The following DLGAP1 variants were observed in gnomAD, a reference collection of about 807,000 sequenced individuals.
DLGAP1 encodes the protein DLG associated protein 1.
Under a neutral mutation model 90.8 loss-of-function variants are expected in DLGAP1, and 11 were observed. The observed-to-expected ratio is 0.12, with a 90% confidence interval of 0.08 to 0.20. DLGAP1 has a LOEUF of 0.20. Among genes scored for constraint, DLGAP1 ranks in the 10% least tolerant of loss-of-function variants. The pLI is 1.00. For missense variants in DLGAP1, 1,050 were observed against 1,333.8 expected, an observed-to-expected ratio of 0.79 and a Z score of 3.31; for synonymous variants, 558 against 540.7, an observed-to-expected ratio of 1.03 and a Z score of -0.44.
chr18:3,580,311 G>C (rs1490420830), intron 8 of DLGAP1: 18 of 1,613,946 alleles, frequency 1.1e-5, no homozygotes, highest in Non-Finnish European at 1.4e-5. Flanking sequence ...TCCACCAAAA[G>C]GCACAAGTCC....
chr18:3,768,840 A>T (rs2064380311), intron 5 of DLGAP1, among the ~76,000 whole-genome samples: 1 of 152,214 alleles, frequency 6.6e-6, no homozygotes, highest in Non-Finnish European at 1.5e-5. Flanking sequence ...ACATTGAAGA[A>T]AAGCTTTGGG....
At chr18:4,379,942 C>A (rs13381904) in intron 1 of DLGAP1, among the ~76,000 whole-genome samples, 2,831 of 152,230 alleles carry the variant, frequency 0.019, 56 homozygotes, top group African/African-American at 0.048. Context: ...AACCAATATA[C>A]ATTACTTAGA....
chr18:4,243,386 G>A (rs2078586939), intron 1 of DLGAP1, among the ~76,000 whole-genome samples: 1 of 123,514 alleles, frequency 8.1e-6, no homozygotes, highest in South Asian at 2.7e-4. Context: ...CACAGTCTGA[G>A]GACAGCCTTG....
intron 5 of DLGAP1, among the ~76,000 whole-genome samples, chr18:3,792,850 C>T (rs890142162): frequency 1.2e-4 from 18 of 152,302 alleles, no homozygotes; most frequent in African/African-American, 4.3e-4. Flanking sequence ...GGCCCTGCTT[C>T]CTGGACAGAG....
intron 7 of DLGAP1, among the ~76,000 whole-genome samples, chr18:3,586,700 T>C (rs1282178275): frequency 1.3e-5 from 2 of 152,218 alleles, no homozygotes; most frequent in Non-Finnish European, 2.9e-5. Flanking sequence ...TTCTTCATTT[T>C]CCAATTCTTC....
chr18:3,615,291 G>T (rs1423028306), intron 7 of DLGAP1, among the ~76,000 whole-genome samples: 1 of 152,190 alleles, frequency 6.6e-6, no homozygotes, highest in African/African-American at 2.4e-5. Flanking sequence ...TAAATGAGTA[G>T]AAAAGCTGGG....
intron 7 of DLGAP1, among the ~76,000 whole-genome samples, chr18:3,614,230 T>C (rs563006617): frequency 6.6e-6 from 1 of 152,334 alleles, no homozygotes; most frequent in South Asian, 2.1e-4. Flanking sequence ...TTGTCACTTT[T>C]TTCTGGCTCC....
intron 4 of DLGAP1, among the ~76,000 whole-genome samples, chr18:3,871,777 T>G (rs1381815669): frequency 6.6e-6 from 1 of 152,194 alleles, no homozygotes; most frequent in Non-Finnish European, 1.5e-5. Flanking sequence ...TGGATCTGAG[T>G]TCATGAATCA....
intron 2 of DLGAP1, among the ~76,000 whole-genome samples, chr18:4,136,054 C>G (rs1013266240): frequency 1.3e-5 from 2 of 151,310 alleles, no homozygotes; most frequent in African/African-American, 4.9e-5. Context: ...GTGTGATGTT[C>G]CCCATCCTGT....
chr18:4,415,353 T>C (rs749625020), intron 1 of DLGAP1, among the ~76,000 whole-genome samples: 3 of 152,162 alleles, frequency 2.0e-5, no homozygotes, highest in Non-Finnish European at 2.9e-5. Flanking sequence ...TATGACAATG[T>C]TTATAAAATA....
chr18:3,650,405 C>T (rs2059255494), intron 7 of DLGAP1, among the ~76,000 whole-genome samples: 1 of 152,084 alleles, frequency 6.6e-6, no homozygotes, highest in South Asian at 2.1e-4. Context: ...AGGAGGACAG[C>T]TTGAGGCCAG....
chr18:3,967,697 T>C (rs1390296212), intron 3 of DLGAP1, among the ~76,000 whole-genome samples: 1 of 152,258 alleles, frequency 6.6e-6, no homozygotes, highest in Non-Finnish European at 1.5e-5. Flanking sequence ...GTTTCATTTC[T>C]GAAGCCCATA....
intron 2 of DLGAP1, among the ~76,000 whole-genome samples, chr18:4,114,956 C>T (rs2076036832): frequency 6.6e-6 from 1 of 152,018 alleles, no homozygotes; most frequent in Non-Finnish European, 1.5e-5. Context: ...TATTGTAATA[C>T]TTAGATTTAA....
intron 2 of DLGAP1, among the ~76,000 whole-genome samples, chr18:4,085,055 A>G (rs1001692862): frequency 6.6e-6 from 1 of 152,216 alleles, no homozygotes; most frequent in African/African-American, 2.4e-5. Context: ...TGTGGCATGA[A>G]AATAGAATGG....
intron 1 of DLGAP1, among the ~76,000 whole-genome samples, chr18:4,365,329 T>C (rs2081737975): frequency 6.6e-6 from 1 of 152,102 alleles, no homozygotes; most frequent in Non-Finnish European, 1.5e-5. Flanking sequence ...AGCCAACAGA[T>C]TTTATTATGA....
At chr18:3,875,999 T>C (rs573729078) in intron 4 of DLGAP1, among the ~76,000 whole-genome samples, 136 of 150,410 alleles carry the variant, frequency 9.0e-4, no homozygotes, top group Admixed American at 3.8e-3. Flanking sequence ...GCTTCAATAT[T>C]AGTTGGCAAT....
chr18:3,930,795 C>A (rs58866981), intron 3 of DLGAP1, among the ~76,000 whole-genome samples: 2 of 152,280 alleles, frequency 1.3e-5, no homozygotes, highest in East Asian at 3.9e-4. Flanking sequence ...ACCCAAGAAC[C>A]TCTTGAAAAC....
rs578159903 is a variant in DLGAP1 at position 3,947,869 on chromosome 18, G to A, written c.-73+57247C>T. Among the ~76,000 whole-genome samples the A allele has an allele frequency of 1.1e-4, 17 of 152,310 alleles. No individual in the cohort carries two copies. The East Asian group carries it at 3.3e-3, about 29-fold the overall frequency. On this transcript the variant is annotated intron_variant, in intron 3 of 12. Coordinates refer to ENST00000315677, the MANE Select transcript of DLGAP1 (RefSeq NM_004746.4). Reference sequence around the variant, plus strand: ...AGATCAGGGCCTCAAAGGCAAACAAGTTACTACCTGATTTTTGAGTGAGTT... The same window carrying A: ...AGATCAGGGCCTCAAAGGCAAACAAATTACTACCTGATTTTTGAGTGAGTT...
chr18:4,293,918 AC>A (rs1457437252), intron 1 of DLGAP1: 18 of 152,156 alleles, frequency 1.2e-4, no homozygotes. Flanking sequence ...AGACTTTCCT[AC>A]CTGCCAAAAC....
Sources: allele counts gnomAD v4.1 joint callset (sites outside exome capture counted in the v4.1 genomes callset), GRCh38; gene constraint gnomAD v4.1.1; transcripts MANE v1.5; gene names NCBI Gene and HGNC (gene_info 2026-07-23, HGNC 2026-07-21).